Variants in BLTP2 observed in about 807,000 individuals in gnomAD.
BLTP2 encodes the protein U937-associated antigen.
At chr17:28,644,741 T>C in the BLTP2 span, among the ~76,000 whole-genome samples, 6 of 152,312 alleles carry the variant, frequency 3.9e-5, no homozygotes, top group Middle Eastern at 3.4e-3. Context: ...ATTCAGTTCC[T>C]GGCCTCAGCA....
chr17:28,640,963 G>C, the BLTP2 span, among the ~76,000 whole-genome samples: 1 of 152,238 alleles, frequency 6.6e-6, no homozygotes, highest in Non-Finnish European at 1.5e-5. Flanking sequence ...ACTACTGACT[G>C]CCTGTATGAC....
At chr17:28,626,130 C>T in the BLTP2 span, among the ~76,000 whole-genome samples, 3 of 152,172 alleles carry the variant, frequency 2.0e-5, no homozygotes, top group African/African-American at 4.8e-5. Flanking sequence ...CCTCCAGTTT[C>T]TTCCTCTCCA....
At chr17:28,628,480 G>A in the BLTP2 span, 2 of 1,614,126 alleles carry the variant, frequency 1.2e-6, no homozygotes, top group Admixed American at 1.7e-5. Context: ...TCGATTGGTA[G>A]TTGTCCAGGA....
chr17:28,627,617 C>T, the BLTP2 span, among the ~76,000 whole-genome samples: 2 of 152,052 alleles, frequency 1.3e-5, no homozygotes, highest in Non-Finnish European at 2.9e-5. Flanking sequence ...CCGTGTTAGC[C>T]AGGATAGTCT....
the BLTP2 span, chr17:28,637,987 T>C: frequency 6.8e-6 from 11 of 1,614,164 alleles, no homozygotes; most frequent in African/African-American, 4.0e-5. Flanking sequence ...GAGACAGACA[T>C]TGGGCACAGG....
the BLTP2 span, among the ~76,000 whole-genome samples, chr17:28,619,476 A>T: frequency 6.6e-6 from 1 of 152,064 alleles, no homozygotes; most frequent in African/African-American, 2.4e-5. Context: ...TCTAAAAAAA[A>T]AAAAAGTGAT....
At chr17:28,619,898 T>C in the BLTP2 span, 1 of 1,614,076 alleles carries the variant, frequency 6.2e-7, no homozygotes, top group Non-Finnish European at 8.5e-7. Context: ...AGCTGTCGTA[T>C]TTGGGCCACA....
At chr17:28,629,287 T>G in the BLTP2 span, among the ~76,000 whole-genome samples, 1 of 148,674 alleles carries the variant, frequency 6.7e-6, no homozygotes, top group East Asian at 1.9e-4. Context: ...CAGGCTGAAG[T>G]GCAGTGGTGT....
At chr17:28,634,350 C>G in the BLTP2 span, among the ~76,000 whole-genome samples, 1 of 152,076 alleles carries the variant, frequency 6.6e-6, no homozygotes, top group South Asian at 2.1e-4. Context: ...AGCAATTTCA[C>G]GGTGAAATTC....
the BLTP2 span, among the ~76,000 whole-genome samples, chr17:28,627,853 G>T: frequency 6.6e-6 from 1 of 151,584 alleles, no homozygotes; most frequent in African/African-American, 2.4e-5. Flanking sequence ...TAGAGATGGG[G>T]TTTTGCCATG....
chr17:28,619,248 C>T, the BLTP2 span, among the ~76,000 whole-genome samples: 1 of 151,862 alleles, frequency 6.6e-6, no homozygotes, highest in African/African-American at 2.4e-5. Flanking sequence ...TGATCAACTT[C>T]AAGACATTTT....
the BLTP2 span, among the ~76,000 whole-genome samples, chr17:28,643,859 T>A: frequency 1.3e-5 from 2 of 152,274 alleles, no homozygotes; most frequent in African/African-American, 4.8e-5. Context: ...CCCTGGACAC[T>A]CTGTGTCCTA....
chr17:28,640,326 G>A, the BLTP2 span: 5 of 516,676 alleles, frequency 9.7e-6, no homozygotes, highest in South Asian at 6.4e-5. Context: ...CTGGGAGGCA[G>A]AGGTTGTGGT....
the BLTP2 span, chr17:28,642,943 C>T: frequency 6.2e-7 from 1 of 1,611,066 alleles, no homozygotes; most frequent in Admixed American, 1.7e-5. Context: ...AGGTATCCAC[C>T]TTGAGAACCA....
the BLTP2 span, chr17:28,644,187 C>T: frequency 1.9e-6 from 3 of 1,612,412 alleles, no homozygotes; most frequent in South Asian, 2.2e-5. Flanking sequence ...CCACAAGCCA[C>T]CTGCAGAAAA....
the BLTP2 span, chr17:28,616,020 T>C: frequency 2.4e-6 from 3 of 1,237,040 alleles, no homozygotes; most frequent in Non-Finnish European, 3.6e-6. The surrounding 1 kb of genome is among the most constrained non-coding windows in gnomAD (Gnocchi z 4.8). Context: ...AACCTAGCTG[T>C]CTCCCTGTAT....
At chr17:28,619,644 G>A in the BLTP2 span, 1 of 1,613,208 alleles carries the variant, frequency 6.2e-7, no homozygotes, top group Non-Finnish European at 8.5e-7. Context: ...AGGAAAGAAT[G>A]CTGGGGCACC....
At chr17:28,633,511 C>A in the BLTP2 span, 1 of 1,604,384 alleles carries the variant, frequency 6.2e-7, no homozygotes, top group Non-Finnish European at 8.5e-7. Context: ...CTCAACCATA[C>A]CATCCTGATA....
chr17:28,636,872 G>A, the BLTP2 span: 4 of 1,051,998 alleles, frequency 3.8e-6, no homozygotes, highest in African/African-American at 1.6e-5. Context: ...ACTCTGTTTT[G>A]GGAAAAGACA....
Sources: allele counts gnomAD v4.1 joint callset (sites outside exome capture counted in the v4.1 genomes callset), GRCh38; gene constraint gnomAD v4.1.1; non-coding constraint Gnocchi (gnomAD v3.1); transcripts MANE v1.5; gene names NCBI Gene and HGNC (gene_info 2026-07-23, HGNC 2026-07-21).